FBXL17: variants seen among roughly 807,000 people sequenced by gnomAD.
FBXL17 encodes F-box/LRR-repeat protein 17.
Under a neutral mutation model 66.2 loss-of-function variants are expected in FBXL17, and 22 were observed. The observed-to-expected ratio is 0.33, with a 90% confidence interval of 0.24 to 0.47. FBXL17 has a LOEUF of 0.47. FBXL17 is among the 20% of genes least tolerant of loss of function. The pLI is 1.00. For missense variants in FBXL17, 878 were observed against 948.2 expected, an observed-to-expected ratio of 0.93 and a Z score of 0.97; for synonymous variants, 474 against 400.5, an observed-to-expected ratio of 1.18 and a Z score of -2.19.
chr5:108,274,362 C>A (rs1757399508), intron 4 of FBXL17, among the ~76,000 whole-genome samples: 1 of 152,182 alleles, frequency 6.6e-6, no homozygotes, highest in East Asian at 1.9e-4. Context: ...AAAAAGAATT[C>A]AGTGATATTT....
chr5:108,095,863 G>A (rs549160723), intron 6 of FBXL17, among the ~76,000 whole-genome samples: 36 of 152,206 alleles, frequency 2.4e-4, no homozygotes, highest in African/African-American at 5.3e-4. Context: ...AAGAAAAACT[G>A]ATAAATCAAT....
intron 7 of FBXL17, among the ~76,000 whole-genome samples, chr5:107,948,327 TATA>T (rs1261941978): frequency 2.0e-5 from 3 of 152,226 alleles, no homozygotes; most frequent in Middle Eastern, 3.2e-3. Context: ...TAATTGTGAC[TATA>T]ATAATTCAGC....
intron 6 of FBXL17, among the ~76,000 whole-genome samples, chr5:108,060,394 T>C (rs1747874185): frequency 6.6e-6 from 1 of 152,166 alleles, no homozygotes; most frequent in South Asian, 2.1e-4. Context: ...ATCTGTTTAT[T>C]ATTTTATGTC....
At position 108,381,331 on chromosome 5, in the gene FBXL17, G is replaced by A. The variant is rs770690887; in HGVS notation, c.361C>T (p.Leu121=). ...GCGGCGGCGGCGGCGGCCGAGGATA[G>A]CAGGAAGCGGCGGGCAGCAGCGGCG... The part of the protein sequence containing the change: ...DCAAAARRFL[L]SSAAAAAAAA... The change falls in exon 1 of 9, where the codon CTA becomes TTA. Residue 121 remains leucine (L), a synonymous_variant. Transcript: ENST00000542267. The A allele has an allele frequency of 2.2e-6, 3 of 1,379,998 alleles. No homozygotes were observed. The highest frequency in any genetic ancestry group is 2.8e-6 in the Non-Finnish European group (3 of 1,073,516). The allele number at this position is 1,379,998 out of a possible 1,614,324, so 85.5% of individuals were successfully genotyped here. A position where few individuals can be genotyped will look rare whatever the true frequency, so the allele number is the denominator to read the frequency against.
At chr5:108,098,367 AAAAT>A (rs1345547778) in intron 6 of FBXL17, among the ~76,000 whole-genome samples, 1 of 152,188 alleles carries the variant, frequency 6.6e-6, no homozygotes, top group Non-Finnish European at 1.5e-5. Flanking sequence ...ACCCCGTCTG[AAAAT>A]AAATAAATAA....
intron 4 of FBXL17, among the ~76,000 whole-genome samples, chr5:108,294,249 T>C (rs1409101257): frequency 1.5e-5 from 2 of 130,382 alleles, no homozygotes; most frequent in Admixed American, 8.3e-5. Flanking sequence ...TTACTGAATA[T>C]ATATATATTC....
At position 108,148,431 on chromosome 5, in the gene FBXL17, C is replaced by A. The variant is rs1041080653; in HGVS notation, c.1745+37686G>T. On this transcript the variant is annotated intron_variant, in intron 6 of 8. Coordinates refer to ENST00000542267, the MANE Select transcript of FBXL17 (RefSeq NM_001163315.3). ...ATTTGCCTTGTAAAAATCTTCCCCT[C>A]GTGTCCCTTTAGCGGAGCCCCAAAC... 2.0e-5 allele frequency among the ~76,000 whole-genome samples: 3 copies of A among 152,098 alleles called. No individual in the cohort carries two copies. The East Asian group carries it at 5.8e-4, about 29-fold the overall frequency.
intron 5 of FBXL17, among the ~76,000 whole-genome samples, chr5:108,209,944 C>CT (rs1360660744): frequency 1.3e-5 from 2 of 151,800 alleles, no homozygotes; most frequent in African/African-American, 4.8e-5. Context: ...TGGTCCCAGA[C>CT]TTTTTTTTGG....
chr5:108,090,690 T>C (rs769892379), intron 6 of FBXL17, among the ~76,000 whole-genome samples: 8 of 152,202 alleles, frequency 5.3e-5, no homozygotes, highest in Non-Finnish European at 1.0e-4. Context: ...CTTTCTTTTT[T>C]AAAAATTTAT....
chr5:107,991,139 C>T (rs1049605364), intron 7 of FBXL17, among the ~76,000 whole-genome samples: 1 of 152,112 alleles, frequency 6.6e-6, no homozygotes, highest in Non-Finnish European at 1.5e-5. Flanking sequence ...TACTGTACCT[C>T]CAGAAAGATA....
intron 7 of FBXL17, among the ~76,000 whole-genome samples, chr5:107,894,609 C>A (rs1040543191): frequency 2.0e-5 from 3 of 152,048 alleles, no homozygotes; most frequent in Admixed American, 6.6e-5. Flanking sequence ...TGAATCCTGC[C>A]TGCAATGACT....
At position 107,861,691 on chromosome 5, in the gene FBXL17, A is replaced by T. The variant is rs896163853; in HGVS notation, c.*29T>A. 9 of 1,530,166 alleles carry T rather than the reference A, an allele frequency of 5.9e-6. No individual in the cohort carries two copies. The highest frequency in any genetic ancestry group is 7.9e-6 in the Non-Finnish European group (9 of 1,134,442). The allele number at this position is 1,530,166 out of a possible 1,614,324, so 94.8% of individuals were successfully genotyped here. A position where few individuals can be genotyped will look rare whatever the true frequency, so the allele number is the denominator to read the frequency against. On this transcript the variant is annotated 3_prime_UTR_variant, in exon 9 of 9. Transcript: ENST00000542267. Reference sequence around the variant, plus strand: ...CAATTCTCCTCTGCTCTGCTGAATGATCCCAGTGGACTAGGCGAGGCAGGA... The same window carrying T: ...CAATTCTCCTCTGCTCTGCTGAATGTTCCCAGTGGACTAGGCGAGGCAGGA...
intron 7 of FBXL17, among the ~76,000 whole-genome samples, chr5:107,979,785 A>G (rs1239794157): frequency 6.6e-6 from 1 of 152,242 alleles, no homozygotes; most frequent in African/African-American, 2.4e-5. Context: ...GTGATCCTTC[A>G]GAGAACATCA....
At chr5:107,903,190 A>G (rs1007536730) in intron 7 of FBXL17, among the ~76,000 whole-genome samples, 1 of 152,220 alleles carries the variant, frequency 6.6e-6, no homozygotes, top group African/African-American at 2.4e-5. Flanking sequence ...TACAACAGTG[A>G]GACATGTCAT....
intron 7 of FBXL17, among the ~76,000 whole-genome samples, chr5:107,983,517 C>T (rs1275058565): frequency 1.3e-5 from 2 of 150,480 alleles, no homozygotes; most frequent in African/African-American, 4.9e-5. Flanking sequence ...TTTTGCATAA[C>T]AAGGAATGAA....
At chr5:108,235,317 T>C (rs1156588534) in intron 4 of FBXL17, among the ~76,000 whole-genome samples, 11 of 152,218 alleles carry the variant, frequency 7.2e-5, no homozygotes, top group South Asian at 4.1e-4. Context: ...ATGATTCTTA[T>C]GGAATCGATC....
chr5:108,126,973 A>C (rs1328263329), intron 6 of FBXL17, among the ~76,000 whole-genome samples: 1 of 152,076 alleles, frequency 6.6e-6, no homozygotes, highest in Non-Finnish European at 1.5e-5. Flanking sequence ...ATTTCCATTT[A>C]AAGTCACCAG....
At position 107,980,664 on chromosome 5, in the gene FBXL17, A is replaced by ATATATATATATATATATATATT; in HGVS notation, c.1822+40260_1822+40261insAATATATATATATATATATATA. The stretch of plus-strand genomic sequence containing the variant: ...TAAAATAATATATATATATATATAT[A>ATATATATATATATATATATATT]TTTTTTTTTTGAGATGGAGTCTTGC... On this transcript the variant is annotated intron_variant, in intron 7 of 8. Coordinates refer to ENST00000542267, the MANE Select transcript of FBXL17 (RefSeq NM_001163315.3). Among the ~76,000 whole-genome samples, 13 of 62,066 alleles carry ATATATATATATATATATATATT rather than the reference A, an allele frequency of 2.1e-4. No individual in the cohort carries two copies. In the East Asian group the frequency reaches 5.3e-3, roughly 25 times the overall value. The allele number at this position is 62,066 out of a possible 152,430, so 40.7% of individuals were successfully genotyped here. A position where few individuals can be genotyped will look rare whatever the true frequency, so the allele number is the denominator to read the frequency against.
At chr5:108,039,045 T>C (rs79470607) in intron 6 of FBXL17, among the ~76,000 whole-genome samples, 170 of 152,216 alleles carry the variant, frequency 1.1e-3, no homozygotes, top group African/African-American at 3.9e-3. Flanking sequence ...AATATTTTAT[T>C]TTACAATCTT....
Sources: allele counts gnomAD v4.1 joint callset (sites outside exome capture counted in the v4.1 genomes callset), GRCh38; gene constraint gnomAD v4.1.1; transcripts MANE v1.5; gene names NCBI Gene and HGNC (gene_info 2026-07-23, HGNC 2026-07-21).